The following HEMK2 variants were observed in gnomAD, a reference collection of about 807,000 sequenced individuals.
The protein encoded by HEMK2 is HemK methyltransferase 2, ETF1 glutamine and histone H4 lysine.
At chr21:28,672,259 C>A in the HEMK2 span, among the ~76,000 whole-genome samples, 1 of 152,136 alleles carries the variant, frequency 6.6e-6, no homozygotes, top group Non-Finnish European at 1.5e-5. Flanking sequence ...CACCCTCTGT[C>A]TTCCTCAGGT....
At chr21:28,730,358 G>A in the HEMK2 span, among the ~76,000 whole-genome samples, 7 of 131,888 alleles carry the variant, frequency 5.3e-5, no homozygotes, top group Admixed American at 2.3e-4. Context: ...TCCAGCCTGG[G>A]CAAACCTTGT....
chr21:28,823,611 G>C, the HEMK2 span, among the ~76,000 whole-genome samples: 2 of 152,114 alleles, frequency 1.3e-5, no homozygotes, highest in Admixed American at 1.3e-4. Context: ...TTTTCCAACT[G>C]GGTAAGGATC....
At chr21:28,623,890 G>A in the HEMK2 span, among the ~76,000 whole-genome samples, 23 of 152,144 alleles carry the variant, frequency 1.5e-4, no homozygotes, top group South Asian at 4.4e-3. Flanking sequence ...TGTATATGAC[G>A]GGTTGATGGT....
the HEMK2 span, among the ~76,000 whole-genome samples, chr21:28,729,920 C>T: frequency 6.6e-6 from 1 of 152,118 alleles, no homozygotes; most frequent in Admixed American, 6.5e-5. Flanking sequence ...ACGTGGAGAA[C>T]AAACTGTCAT....
At chr21:28,885,214 T>G in the HEMK2 span, 1 of 1,576,920 alleles carries the variant, frequency 6.3e-7, no homozygotes, top group South Asian at 1.1e-5. Context: ...CCTCGCACCC[T>G]GCCAGTTCGG....
chr21:28,773,076 C>T, the HEMK2 span, among the ~76,000 whole-genome samples: 1 of 152,148 alleles, frequency 6.6e-6, no homozygotes, highest in Admixed American at 6.5e-5. Context: ...GAGACCCAAG[C>T]CTCAATCTCT....
chr21:28,780,360 A>T, the HEMK2 span, among the ~76,000 whole-genome samples: 3 of 148,950 alleles, frequency 2.0e-5, no homozygotes, highest in East Asian at 6.1e-4. Context: ...GGTATTTTTA[A>T]TAGAGACGGG....
the HEMK2 span, among the ~76,000 whole-genome samples, chr21:28,589,233 T>C: frequency 1.4e-4 from 21 of 152,150 alleles, no homozygotes; most frequent in Non-Finnish European, 1.0e-4. Flanking sequence ...TATTCTGTAT[T>C]GAGGTATACA....
the HEMK2 span, among the ~76,000 whole-genome samples, chr21:28,588,993 A>G: frequency 6.6e-6 from 1 of 151,910 alleles, no homozygotes; most frequent in Non-Finnish European, 1.5e-5. Flanking sequence ...AAAAAAAAAA[A>G]AAAAAGAGTT....
the HEMK2 span, among the ~76,000 whole-genome samples, chr21:28,725,051 T>C: frequency 6.6e-6 from 1 of 152,158 alleles, no homozygotes; most frequent in East Asian, 1.9e-4. Context: ...CCCAAAGTGG[T>C]ATCACACCTT....
At chr21:28,720,783 G>A in the HEMK2 span, among the ~76,000 whole-genome samples, 4 of 151,986 alleles carry the variant, frequency 2.6e-5, no homozygotes, top group South Asian at 4.2e-4. Context: ...GGGCTCCACC[G>A]TGAGAAACTA....
the HEMK2 span, among the ~76,000 whole-genome samples, chr21:28,737,242 G>A: frequency 1.1e-4 from 17 of 152,166 alleles, no homozygotes; most frequent in South Asian, 2.3e-3. Context: ...CTTGGGCCTC[G>A]GCCCCCCAAG....
At chr21:28,652,723 G>GTTTA in the HEMK2 span, among the ~76,000 whole-genome samples, 7,235 of 152,066 alleles carry the variant, frequency 0.048, 243 homozygotes, top group Middle Eastern at 0.14. Context: ...TTGAGTTGAG[G>GTTTA]TTTAGCCTTC....
the HEMK2 span, among the ~76,000 whole-genome samples, chr21:28,652,450 T>C: frequency 5.9e-4 from 89 of 151,822 alleles, no homozygotes; most frequent in African/African-American, 2.1e-3. Flanking sequence ...CTTCCTTCCT[T>C]CCTCCCTCCC....
chr21:28,608,739 T>C, the HEMK2 span, among the ~76,000 whole-genome samples: 490 of 152,276 alleles, frequency 3.2e-3, 2 homozygotes, highest in African/African-American at 0.011. Flanking sequence ...CACTGGCCTT[T>C]TGGGCTGTGG....
chr21:28,870,050 T>G, the HEMK2 span, among the ~76,000 whole-genome samples: 1 of 152,330 alleles, frequency 6.6e-6, no homozygotes, highest in South Asian at 2.1e-4. Flanking sequence ...CTGAATTTTT[T>G]GTTTATCATT....
the HEMK2 span, among the ~76,000 whole-genome samples, chr21:28,608,842 C>T: frequency 6.6e-5 from 10 of 152,208 alleles, no homozygotes; most frequent in South Asian, 2.1e-4. Context: ...CATCATCCCC[C>T]GGGAAACATA....
chr21:28,766,097 TG>T, the HEMK2 span, among the ~76,000 whole-genome samples: 1 of 151,910 alleles, frequency 6.6e-6, no homozygotes, highest in Admixed American at 6.6e-5. Flanking sequence ...AAGCAGGAAT[TG>T]AACAATGAGA....
chr21:28,731,409 G>A, the HEMK2 span, among the ~76,000 whole-genome samples: 2 of 152,114 alleles, frequency 1.3e-5, no homozygotes, highest in Non-Finnish European at 2.9e-5. Context: ...GCAGCTATCT[G>A]ATGAAGACAT....
Sources: allele counts gnomAD v4.1 joint callset (sites outside exome capture counted in the v4.1 genomes callset), GRCh38; gene constraint gnomAD v4.1.1; transcripts MANE v1.5; gene names NCBI Gene and HGNC (gene_info 2026-07-23, HGNC 2026-07-21).